The following DGKI variants were observed in gnomAD, a reference collection of about 807,000 sequenced individuals.
DGKI encodes the protein DAG kinase iota.
DGKI carries 55 observed loss-of-function variants against 147.5 expected under a neutral mutation model. The observed-to-expected ratio is 0.37, with a 90% CI of 0.30 to 0.47. DGKI has a LOEUF of 0.47. DGKI is among the 20% of genes least tolerant of loss of function. DGKI has a pLI of 1.00. For missense variants in DGKI, 1,007 were observed against 1,323.8 expected (o/e 0.76, Z 3.71); for synonymous variants, 469 against 477.1 (o/e 0.98, Z 0.22).
chr7:137,833,979 C>A (rs1346662756), intron 1 of DGKI, among the ~76,000 whole-genome samples: 5 of 152,206 alleles, frequency 3.3e-5, no homozygotes, highest in African/African-American at 1.2e-4. Flanking sequence ...CCTGGCTCCA[C>A]CGTTGGCTGG....
At chr7:137,577,483 A>G (rs1382814067) in intron 16 of DGKI, among the ~76,000 whole-genome samples, 199 bp from the exon 17 acceptor site, 9 of 152,244 alleles carry the variant, frequency 5.9e-5, no homozygotes, top group Admixed American at 5.9e-4. Flanking sequence ...TATAATTTAC[A>G]GTTTCACTAT....
chr7:137,483,893 C>T (rs1323712327), intron 23 of DGKI, among the ~76,000 whole-genome samples: 1 of 151,914 alleles, frequency 6.6e-6, no homozygotes, highest in Non-Finnish European at 1.5e-5. Flanking sequence ...TGTGAAAGCA[C>T]TATGCTTTTT....
chr7:137,751,490 T>C (rs1032706623), intron 1 of DGKI, among the ~76,000 whole-genome samples: 3 of 152,238 alleles, frequency 2.0e-5, no homozygotes, highest in South Asian at 2.1e-4. Context: ...TTTTATCATA[T>C]GTGTTCCTAC....
intron 20 of DGKI, among the ~76,000 whole-genome samples, chr7:137,532,036 A>AAG (rs1379516748): frequency 1.3e-5 from 2 of 151,870 alleles, no homozygotes; most frequent in African/African-American, 4.8e-5. Flanking sequence ...AACCAATAGA[A>AAG]AAAAAAATCA....
intron 12 of DGKI, among the ~76,000 whole-genome samples, chr7:137,594,404 C>G (rs927670027): frequency 6.6e-6 from 1 of 152,100 alleles, no homozygotes; most frequent in East Asian, 1.9e-4. Flanking sequence ...AGCCTAAGAA[C>G]TTTTTTCCAA....
intron 17 of DGKI, among the ~76,000 whole-genome samples, chr7:137,574,659 G>A (rs1389426380): frequency 1.3e-5 from 2 of 152,120 alleles, no homozygotes; most frequent in South Asian, 4.1e-4. Flanking sequence ...AATAAACTGT[G>A]CAATTCCTTT....
chr7:137,731,381 G>A (rs1285664719), intron 1 of DGKI, among the ~76,000 whole-genome samples: 1 of 151,960 alleles, frequency 6.6e-6, no homozygotes, highest in African/African-American at 2.4e-5. Context: ...TTTGCTTATT[G>A]TTCTTTCCCC....
At chr7:137,843,756 T>TACACAC (rs71177923) in intron 1 of DGKI, among the ~76,000 whole-genome samples, 11,010 of 137,690 alleles carry the variant, frequency 0.08, 607 homozygotes, top group Admixed American at 0.16. Flanking sequence ...GAGACCCCCC[T>TACACAC]ACACACACAC....
chr7:137,603,806 T>G (rs2128990873), intron 10 of DGKI, among the ~76,000 whole-genome samples: 1 of 152,262 alleles, frequency 6.6e-6, no homozygotes. Context: ...CAGCAAGACA[T>G]CCCATGAAAA....
intron 1 of DGKI, chr7:137,721,995 T>C: frequency 1.9e-6 from 3 of 1,559,276 alleles, no homozygotes; most frequent in Non-Finnish European, 2.6e-6. Context: ...AGATGGCGGG[T>C]GAAAAAGTTG....
intron 2 of DGKI, among the ~76,000 whole-genome samples, chr7:137,683,445 A>G (rs1456650383): frequency 5.9e-5 from 9 of 152,068 alleles, no homozygotes; most frequent in Admixed American, 5.9e-4. Context: ...GCATCACCAC[A>G]GCTCACTGCA....
chr7:137,422,221 C>T (rs1192323426), intron 28 of DGKI, among the ~76,000 whole-genome samples: 1 of 152,148 alleles, frequency 6.6e-6, no homozygotes, highest in Non-Finnish European at 1.5e-5. Flanking sequence ...GGTTACAGGG[C>T]CAATAGACTC....
At chr7:137,705,894 A>G (rs1457321434) in intron 1 of DGKI, among the ~76,000 whole-genome samples, 1 of 152,052 alleles carries the variant, frequency 6.6e-6, no homozygotes, top group Non-Finnish European at 1.5e-5. Context: ...ACCCTGAGAG[A>G]GGGTCAGGAG....
At chr7:137,649,588 T>C (rs1821950890) in intron 5 of DGKI, among the ~76,000 whole-genome samples, 1 of 151,978 alleles carries the variant, frequency 6.6e-6, no homozygotes, top group Non-Finnish European at 1.5e-5. Context: ...CACAATACAA[T>C]TGCTTGGCTA....
At chr7:137,533,946 T>C (rs1817430346) in intron 20 of DGKI, among the ~76,000 whole-genome samples, 1 of 152,156 alleles carries the variant, frequency 6.6e-6, no homozygotes, top group Non-Finnish European at 1.5e-5. Context: ...GTTCTAGGGA[T>C]TAATTAAATG....
chr7:137,462,708 C>A (rs1354581538), intron 27 of DGKI, among the ~76,000 whole-genome samples: 1 of 152,054 alleles, frequency 6.6e-6, no homozygotes, highest in Non-Finnish European at 1.5e-5. Context: ...TGATTAAGAC[C>A]CCAGGTAAAC....
At chr7:137,559,489 G>C (rs1051186521) in intron 19 of DGKI, among the ~76,000 whole-genome samples, 2 of 151,950 alleles carry the variant, frequency 1.3e-5, no homozygotes, top group Non-Finnish European at 1.5e-5. Flanking sequence ...AACTGCTAGA[G>C]AGTGAAAAAG....
At chr7:137,645,641 AC>A in intron 5 of DGKI, 104 bp from the exon 6 acceptor site, 2 of 1,056,718 alleles carry the variant, frequency 1.9e-6, no homozygotes, top group Non-Finnish European at 1.3e-6. Flanking sequence ...ATCATAGTTC[AC>A]TGCAGCCTCG....
intron 29 of DGKI, among the ~76,000 whole-genome samples, chr7:137,411,957 C>T (rs1812179364): frequency 6.6e-6 from 1 of 152,172 alleles, no homozygotes; most frequent in Non-Finnish European, 1.5e-5. Flanking sequence ...ATCCTGGGGA[C>T]ATGCAGTTCA....
Sources: gnomAD v4.1 joint callset for allele counts (sites outside exome capture counted in the v4.1 genomes callset) on GRCh38, gnomAD v4.1.1 for gene constraint, MANE v1.5 for transcripts, NCBI Gene and HGNC (gene_info 2026-07-23, HGNC 2026-07-21) for gene names.